Variants in KLRG1 observed in about 807,000 individuals in gnomAD.
KLRG1 encodes the protein killer cell lectin like receptor G1, also known as killer cell lectin-like receptor subfamily G member 1.
In KLRG1, 16 loss-of-function variants were observed where a neutral mutation model predicts 21.8. The ratio of observed to expected loss-of-function variants is 0.73; its 90% CI spans 0.50 to 1.11. KLRG1 has a LOEUF of 1.11. Among genes scored for constraint, KLRG1 ranks in the 50% most tolerant of loss-of-function variants. KLRG1 has a pLI of 0.00. For missense variants in KLRG1, 173 were observed against 218.3 expected, an observed-to-expected ratio of 0.79 and a Z score of 1.31; for synonymous variants, 69 against 75.9, an observed-to-expected ratio of 0.91 and a Z score of 0.47.
the KLRG1 span, among the ~76,000 whole-genome samples, chr12:9,137,893 G>T: frequency 6.6e-6 from 1 of 151,974 alleles, no homozygotes; most frequent in Admixed American, 6.5e-5. Flanking sequence ...CTGTATTTGT[G>T]TATTAGTTTT....
At chr12:9,166,711 AT>A in the KLRG1 span, among the ~76,000 whole-genome samples, 1 of 152,258 alleles carries the variant, frequency 6.6e-6, no homozygotes. Context: ...TCTCTGGGAA[AT>A]AAGATTAGAG....
chr12:9,135,877 A>G, the KLRG1 span, among the ~76,000 whole-genome samples: 12 of 152,328 alleles, frequency 7.9e-5, no homozygotes, highest in East Asian at 1.7e-3. Context: ...TTTTACATCA[A>G]TTCCTTTAAA....
the KLRG1 span, among the ~76,000 whole-genome samples, chr12:9,053,269 A>G: frequency 4.6e-5 from 7 of 152,182 alleles, no homozygotes; most frequent in Non-Finnish European, 7.3e-5. Flanking sequence ...GGCTGTGACC[A>G]CCTGTGACCC....
At chr12:9,093,356 G>T in the KLRG1 span, 2 of 720,868 alleles carry the variant, frequency 2.8e-6, no homozygotes, top group Non-Finnish European at 4.9e-6. Flanking sequence ...AAAACATCAT[G>T]TTGTACATCA....
chr12:8,974,526 A>G (rs1325099649), intron 1 of KLRG1, among the ~76,000 whole-genome samples: 1 of 151,936 alleles, frequency 6.6e-6, no homozygotes, highest in Non-Finnish European at 1.5e-5. Flanking sequence ...TATGGTTTTT[A>G]TTATATTGAG....
At chr12:9,183,122 A>G in the KLRG1 span, among the ~76,000 whole-genome samples, 11 of 152,242 alleles carry the variant, frequency 7.2e-5, no homozygotes, top group Non-Finnish European at 1.0e-4. Context: ...TTTCTTAACC[A>G]TATGTATTAA....
chr12:9,050,954 G>A, the KLRG1 span, among the ~76,000 whole-genome samples: 2 of 152,210 alleles, frequency 1.3e-5, no homozygotes, highest in Non-Finnish European at 2.9e-5. Flanking sequence ...ATGGTGGCAG[G>A]AGGCAGAGTC....
At chr12:9,057,197 A>T in the KLRG1 span, among the ~76,000 whole-genome samples, 1 of 152,210 alleles carries the variant, frequency 6.6e-6, no homozygotes, top group African/African-American at 2.4e-5. Context: ...TTGCTTTAAG[A>T]ATTGAGGTTT....
chr12:9,016,291 A>T, the KLRG1 span, among the ~76,000 whole-genome samples: 12 of 152,326 alleles, frequency 7.9e-5, no homozygotes, highest in African/African-American at 2.9e-4. Context: ...GAGACGATCC[A>T]AATGAGTAAA....
At chr12:9,028,862 G>A in the KLRG1 span, 1 of 642,796 alleles carries the variant, frequency 1.6e-6, no homozygotes, top group Admixed American at 1.8e-5. Context: ...ATCCACTTGT[G>A]TGGCCTTGCA....
chr12:8,967,921 T>A (rs746022813), intron 1 of KLRG1, among the ~76,000 whole-genome samples: 9 of 126,118 alleles, frequency 7.1e-5, no homozygotes, highest in South Asian at 2.5e-4. Context: ...AGAGCAATCA[T>A]AACAGAAAGA....
At chr12:9,213,715 A>T in the KLRG1 span, among the ~76,000 whole-genome samples, 1 of 151,974 alleles carries the variant, frequency 6.6e-6, no homozygotes, top group Non-Finnish European at 1.5e-5. Context: ...AGAGTTCTTT[A>T]CATATTTTGG....
At chr12:9,052,179 T>A in the KLRG1 span, among the ~76,000 whole-genome samples, 1 of 152,248 alleles carries the variant, frequency 6.6e-6, no homozygotes, top group Admixed American at 6.5e-5. Context: ...TTATTCATAA[T>A]CTTGGACTCC....
chr12:9,165,719 A>G, the KLRG1 span, among the ~76,000 whole-genome samples: 2 of 152,222 alleles, frequency 1.3e-5, no homozygotes, highest in Non-Finnish European at 2.9e-5. Context: ...CACTGGATTA[A>G]TGTAGCCTGA....
the KLRG1 span, among the ~76,000 whole-genome samples, chr12:9,053,211 G>C: frequency 6.6e-6 from 1 of 151,182 alleles, no homozygotes; most frequent in Non-Finnish European, 1.5e-5. Context: ...CTGCGACGGG[G>C]TGTCCTGTGC....
At chr12:9,044,835 A>C in the KLRG1 span, among the ~76,000 whole-genome samples, 1 of 152,200 alleles carries the variant, frequency 6.6e-6, no homozygotes, top group African/African-American at 2.4e-5. Context: ...TTTATTCAAC[A>C]ATTCTTATCC....
Position 8,995,254 on chromosome 12 carries a change from C to T in KLRG1, c.323C>T (p.Ser108Leu). Residue 108 changes from serine to leucine, a missense_variant, in exon 3 of 5, where the codon TCA becomes TTA. This residue lies in a region of KLRG1 where 144 missense variants were observed against 161.5 expected (regional missense o/e 0.89). Coordinates refer to ENST00000356986, the MANE Select transcript of KLRG1 (RefSeq NM_005810.4). ...SSLEFCLARD[S>L]HLLVITDNQE... is the part of the protein sequence containing the mutation. ...CTGGAATTCTGCCTAGCCAGAGACT[C>T]ACACCTCCTTGTGATAACGGACAAT... 6.2e-7 allele frequency: 1 copy of T among 1,613,228 alleles called. No homozygotes were observed. Among genetic ancestry groups the T allele is most frequent in the Non-Finnish European group, 8.5e-7 (1 of 1,179,664 alleles).
At chr12:9,213,785 C>T in the KLRG1 span, among the ~76,000 whole-genome samples, 2 of 151,904 alleles carry the variant, frequency 1.3e-5, no homozygotes, top group Non-Finnish European at 2.9e-5. Context: ...TGTGGGTTGT[C>T]TCTTCATGCA....
the KLRG1 span, among the ~76,000 whole-genome samples, chr12:9,120,848 C>G: frequency 1.3e-5 from 1 of 75,414 alleles, no homozygotes; most frequent in South Asian, 5.5e-4. Flanking sequence ...TGCTATCCCA[C>G]TAACGTGTGT....
Sources: allele counts gnomAD v4.1 joint callset (sites outside exome capture counted in the v4.1 genomes callset), GRCh38; gene constraint gnomAD v4.1.1; regional missense constraint gnomAD v4.1.1; transcripts MANE v1.5; gene names NCBI Gene and HGNC (gene_info 2026-07-23, HGNC 2026-07-21).